The following HECW2 variants were observed in gnomAD, a reference collection of about 807,000 sequenced individuals.
The protein encoded by HECW2 is HECT, C2 and WW domain containing E3 ubiquitin protein ligase 2, also known as E3 ubiquitin-protein ligase HECW2.
Under a neutral mutation model 175.2 loss-of-function variants are expected in HECW2, and 61 were observed. That is an observed-to-expected ratio of 0.35 (90% CI 0.28 to 0.43). HECW2 has a LOEUF of 0.43. Among genes scored for constraint, HECW2 ranks in the 20% least tolerant of loss-of-function variants. The pLI is 1.00. For missense variants in HECW2, 1,524 were observed against 2,000.5 expected (o/e 0.76, Z 4.54); for synonymous variants, 671 against 731.0 (o/e 0.92, Z 1.32).
At chr2:196,295,201 A>C (rs957864411) in intron 13 of HECW2, among the ~76,000 whole-genome samples, 1 of 152,214 alleles carries the variant, frequency 6.6e-6, no homozygotes, top group African/African-American at 2.4e-5. Flanking sequence ...AGGCAGGCCT[A>C]TGCATGGGCT....
At chr2:196,235,860 G>C (rs983764999) in intron 21 of HECW2, among the ~76,000 whole-genome samples, 2 of 151,568 alleles carry the variant, frequency 1.3e-5, no homozygotes, top group Admixed American at 6.6e-5. Flanking sequence ...GGGTTTCACC[G>C]TGCTAGCCAG....
intron 28 of HECW2, among the ~76,000 whole-genome samples, chr2:196,204,611 G>A (rs566949265): frequency 6.6e-6 from 1 of 152,338 alleles, no homozygotes; most frequent in Admixed American, 6.5e-5. Flanking sequence ...ACCATGAGCA[G>A]AAGACCCAGC....
intron 2 of HECW2, among the ~76,000 whole-genome samples, chr2:196,389,885 T>G (rs1694455926): frequency 1.3e-5 from 2 of 151,972 alleles, no homozygotes; most frequent in South Asian, 4.2e-4. Flanking sequence ...CTTGGATGAG[T>G]GTATCCTCTC....
intron 1 of HECW2, among the ~76,000 whole-genome samples, chr2:196,535,429 G>A (rs544530752): frequency 3.9e-5 from 6 of 152,274 alleles, no homozygotes; most frequent in East Asian, 1.9e-4. Flanking sequence ...TACATGCAGC[G>A]GTTAGAGTGG....
chr2:196,459,587 C>A (rs980268762), intron 1 of HECW2, among the ~76,000 whole-genome samples: 1 of 152,056 alleles, frequency 6.6e-6, no homozygotes, highest in Non-Finnish European at 1.5e-5. Flanking sequence ...CCCTCCATAA[C>A]CAACATTAGG....
intron 1 of HECW2, among the ~76,000 whole-genome samples, chr2:196,513,952 G>T (rs1312879478): frequency 6.6e-6 from 1 of 152,228 alleles, no homozygotes; most frequent in Non-Finnish European, 1.5e-5. Context: ...TGGTGGCAGT[G>T]GGGGAGGCGC....
chr2:196,231,118 G>C (rs149333744), intron 21 of HECW2, among the ~76,000 whole-genome samples: 1 of 81,430 alleles, frequency 1.2e-5, no homozygotes, highest in Non-Finnish European at 2.7e-5. Flanking sequence ...AAAAAAAAAG[G>C]CCTTAACACT....
At chr2:196,499,287 T>C (rs957232343) in intron 1 of HECW2, among the ~76,000 whole-genome samples, 4 of 151,862 alleles carry the variant, frequency 2.6e-5, no homozygotes, top group African/African-American at 9.7e-5. Flanking sequence ...TTAAAAATTG[T>C]TGACACATTG....
rs149484713 is a variant in HECW2 at position 196,444,018 on chromosome 2, G to C, written c.-35-10560C>G. Among the ~76,000 whole-genome samples the C allele has an allele frequency of 8.1e-4, 123 of 152,364 alleles. 1 individual carries two copies. The highest frequency in any genetic ancestry group is 1.5e-3 in the Admixed American group (23 of 15,310). ...CCACTACACTCCAGCCTGGGCAACA[G>C]AGTGAGACCCTGTGGCAAAAATAAA... is the stretch of plus-strand genomic sequence containing the variant. On this transcript the variant is annotated intron_variant, in intron 1 of 28. Coordinates refer to ENST00000644978, the MANE Select transcript of HECW2 (RefSeq NM_001348768.2).
chr2:196,430,485 A>C (rs1695677875), intron 2 of HECW2, among the ~76,000 whole-genome samples: 1 of 152,230 alleles, frequency 6.6e-6, no homozygotes, highest in African/African-American at 2.4e-5. Context: ...TTGAAATTAG[A>C]AGACAGAATC....
At chr2:196,382,532 G>T (rs1028340421) in intron 2 of HECW2, among the ~76,000 whole-genome samples, 1 of 151,908 alleles carries the variant, frequency 6.6e-6, no homozygotes, top group African/African-American at 2.4e-5. Context: ...AACTAGAGAT[G>T]TATTCAGATT....
At chr2:196,526,557 C>T (rs919309964) in intron 1 of HECW2, among the ~76,000 whole-genome samples, 3 of 151,438 alleles carry the variant, frequency 2.0e-5, no homozygotes, top group South Asian at 2.1e-4. Flanking sequence ...AGGCGCTCTG[C>T]GTTTTAGAGT....
intron 2 of HECW2, among the ~76,000 whole-genome samples, chr2:196,405,078 G>A (rs1179562116): frequency 1.3e-5 from 2 of 150,646 alleles, no homozygotes; most frequent in East Asian, 2.0e-4. Flanking sequence ...TGATCCGCCC[G>A]CCTCGGCCTC....
intron 1 of HECW2, among the ~76,000 whole-genome samples, chr2:196,436,309 G>A (rs1452786729): frequency 1.3e-5 from 2 of 151,580 alleles, no homozygotes; most frequent in African/African-American, 4.9e-5. Flanking sequence ...GCTGAGGCAG[G>A]AGAATGGCAT....
Position 196,257,050 on chromosome 2 carries a change from G to C in HECW2, c.3419+773C>G, listed in dbSNP as rs145652519. Among the ~76,000 whole-genome samples the C allele has an allele frequency of 2.7e-3, 414 of 152,346 alleles. 2 individuals carry two copies. The highest frequency in any genetic ancestry group is 9.4e-3 in the African/African-American group (390 of 41,580). ...TTGAATGAGGTTATTAGCACTCAGG[G>C]ATAAACAAAACCTTGCCTGAAAGGC... On this transcript the variant is annotated intron_variant, in intron 18 of 28. Transcript: ENST00000644978.
At chr2:196,234,652 A>C (rs1055598697) in intron 21 of HECW2, among the ~76,000 whole-genome samples, 8 of 152,178 alleles carry the variant, frequency 5.3e-5, no homozygotes, top group Non-Finnish European at 1.0e-4. Flanking sequence ...ATTCAAAAGA[A>C]AATAATACAC....
At chr2:196,320,468 C>G (rs375333821) in intron 7 of HECW2, 29 bp from the exon 8 acceptor site, 37 of 1,450,956 alleles carry the variant, frequency 2.6e-5, no homozygotes, top group Middle Eastern at 1.7e-4. Flanking sequence ...TTCTTTCATC[C>G]TGACTACGCT....
At chr2:196,470,135 G>A (rs139545267) in intron 1 of HECW2, among the ~76,000 whole-genome samples, 2 of 152,130 alleles carry the variant, frequency 1.3e-5, no homozygotes, top group Admixed American at 1.3e-4. Context: ...ACACAGCCAA[G>A]TAACAGAGAT....
chr2:196,321,947 T>C (rs35655331), intron 7 of HECW2, among the ~76,000 whole-genome samples: 4,829 of 152,284 alleles, frequency 0.032, 127 homozygotes, highest in South Asian at 0.047. Context: ...AAAAAGAAAA[T>C]AGACATTAAT....
Sources: gnomAD v4.1 joint callset for allele counts (sites outside exome capture counted in the v4.1 genomes callset) on GRCh38, gnomAD v4.1.1 for gene constraint, MANE v1.5 for transcripts, NCBI Gene and HGNC (gene_info 2026-07-23, HGNC 2026-07-21) for gene names.